Variants in COL19A1 observed in about 807,000 individuals in gnomAD.
COL19A1 encodes collagen alpha-1(XIX) chain.
COL19A1 carries 159 observed loss-of-function variants against 190.2 expected under a neutral mutation model. That is an observed-to-expected ratio of 0.84 (90% CI 0.73 to 0.95). The LOEUF (loss-of-function observed/expected upper bound fraction) is 0.95. Among genes scored for constraint, COL19A1 ranks in the 40% least tolerant of loss-of-function variants. COL19A1 has a pLI of 0.00. For missense variants in COL19A1, 1,418 were observed against 1,431.9 expected (o/e 0.99, Z 0.16); for synonymous variants, 509 against 458.9 (o/e 1.11, Z -1.39).
intron 24 of COL19A1, among the ~76,000 whole-genome samples, chr6:70,144,612 A>G (rs1280802814): frequency 6.6e-6 from 1 of 152,216 alleles, no homozygotes; most frequent in Non-Finnish European, 1.5e-5. Flanking sequence ...TTGGAGAATA[A>G]CTTAAAGAAA....
At chr6:69,932,689 C>T in intron 6 of COL19A1, 94 bp from the exon 7 acceptor site, 2 of 654,116 alleles carry the variant, frequency 3.1e-6, no homozygotes, top group Non-Finnish European at 5.3e-6. Flanking sequence ...ATATTAGCTT[C>T]CTTTTTCTTT....
intron 14 of COL19A1, among the ~76,000 whole-genome samples, chr6:70,051,296 T>A (rs1780187413): frequency 6.6e-6 from 1 of 152,166 alleles, no homozygotes; most frequent in Non-Finnish European, 1.5e-5. Flanking sequence ...CTGTAAAAGA[T>A]ATGAGATTTT....
intron 10 of COL19A1, among the ~76,000 whole-genome samples, chr6:69,960,738 T>C (rs908668952): frequency 2.6e-5 from 4 of 151,142 alleles, no homozygotes; most frequent in Admixed American, 6.6e-5. Context: ...GCCATTCTCC[T>C]GCCTCAGCCT....
intron 16 of COL19A1, among the ~76,000 whole-genome samples, chr6:70,115,829 T>TG (rs1313783286): frequency 1.1e-5 from 1 of 89,988 alleles, no homozygotes; most frequent in Non-Finnish European, 3.0e-5. Flanking sequence ...TGTTTTGTTT[T>TG]TTTTTTTTTT....
chr6:69,894,435 A>G (rs1480965692), intron 2 of COL19A1, among the ~76,000 whole-genome samples: 1 of 152,244 alleles, frequency 6.6e-6, no homozygotes, highest in Non-Finnish European at 1.5e-5. Context: ...TCTGATCTGC[A>G]GTTTACCAAT....
At chr6:69,977,805 C>G (rs1434646465) in intron 11 of COL19A1, among the ~76,000 whole-genome samples, 2 of 151,908 alleles carry the variant, frequency 1.3e-5, no homozygotes, top group African/African-American at 4.8e-5. Flanking sequence ...TTTATTTTGT[C>G]CTTAATTAAG....
At chr6:69,921,173 G>A (rs1471394480) in intron 4 of COL19A1, among the ~76,000 whole-genome samples, 19 of 124,124 alleles carry the variant, frequency 1.5e-4, no homozygotes, top group Admixed American at 4.0e-4. Flanking sequence ...ATTCATATAC[G>A]TATCACATAT....
chr6:70,120,812 T>C (rs1438280946), intron 16 of COL19A1, among the ~76,000 whole-genome samples: 1 of 152,224 alleles, frequency 6.6e-6, no homozygotes, highest in Non-Finnish European at 1.5e-5. Flanking sequence ...AGTCACAAGC[T>C]GCTCATAAGA....
At chr6:70,086,649 A>G (rs1357965439) in intron 15 of COL19A1, among the ~76,000 whole-genome samples, 1 of 152,212 alleles carries the variant, frequency 6.6e-6, no homozygotes, top group Non-Finnish European at 1.5e-5. Context: ...ATCTCATGTT[A>G]TCTACAGCAA....
intron 4 of COL19A1, among the ~76,000 whole-genome samples, chr6:69,912,625 T>C (rs1444908586): frequency 1.3e-5 from 2 of 152,182 alleles, no homozygotes; most frequent in Non-Finnish European, 2.9e-5. Context: ...GGCTTATGAC[T>C]GTGTGAGGTG....
intron 11 of COL19A1, among the ~76,000 whole-genome samples, chr6:69,996,145 A>C (rs1776892230): frequency 6.6e-6 from 1 of 152,160 alleles, no homozygotes; most frequent in Non-Finnish European, 1.5e-5. Flanking sequence ...CCTTACCTAT[A>C]AATTCTTCTT....
chr6:70,105,236 C>T (rs1582922007), intron 16 of COL19A1, among the ~76,000 whole-genome samples: 1 of 152,154 alleles, frequency 6.6e-6, no homozygotes, highest in East Asian at 1.9e-4. Context: ...CGGCTCACTG[C>T]ACCCTCTGCC....
chr6:70,135,909 AG>A (rs1785836009), intron 18 of COL19A1, among the ~76,000 whole-genome samples: 1 of 152,138 alleles, frequency 6.6e-6, no homozygotes, highest in Non-Finnish European at 1.5e-5. Context: ...GGTTCCACCC[AG>A]GGGGTGGAAT....
intron 3 of COL19A1, 120 bp downstream of exon 3, chr6:69,899,142 G>T: frequency 2.0e-5 from 12 of 594,158 alleles, no homozygotes; most frequent in South Asian, 5.2e-5. Context: ...GCATTAACGT[G>T]AAAATTTTAA....
intron 11 of COL19A1, among the ~76,000 whole-genome samples, chr6:69,992,152 T>C (rs1036684009): frequency 6.6e-6 from 1 of 152,054 alleles, no homozygotes; most frequent in Non-Finnish European, 1.5e-5. Flanking sequence ...ATTTATTGAA[T>C]GAGTCCTTTC....
chr6:70,188,329 T>C, intron 47 of COL19A1, 84 bp downstream of exon 47: 1 of 1,439,852 alleles, frequency 6.9e-7, no homozygotes, highest in Non-Finnish European at 9.2e-7. Flanking sequence ...ATACTGCCTT[T>C]CAAATAAATA....
chr6:69,886,142 A>T lies in COL19A1; in HGVS notation c.91+6484A>T, dbSNP rs534845779. 2.0e-5 allele frequency among the ~76,000 whole-genome samples: 3 copies of T among 152,362 alleles called. No homozygotes were observed. The South Asian group carries it at 6.2e-4, about 32-fold the overall frequency. ...TTTTAAAACTCAATATCAGTAAAAC[A>T]AATAATCTGATTTAAAAATGGACAA... On this transcript the variant is annotated intron_variant, in intron 2 of 50. Transcript: ENST00000620364.
rs1582263791 is a variant in COL19A1, at chr6:69,879,859, A to G, written c.91+201A>G. ...ATTACCTCATTTTTTTCATACGCATAGTATATTAGTCTATGTTTCCTTTCA... is the reference window on the plus strand; with the variant it reads ...ATTACCTCATTTTTTTCATACGCATGGTATATTAGTCTATGTTTCCTTTCA... On this transcript the variant is annotated intron_variant, in intron 2 of 50. Coordinates refer to ENST00000620364, the MANE Select transcript of COL19A1 (RefSeq NM_001858.6). 1.8e-5 allele frequency: 10 copies of G among 568,604 alleles called. No individual in the cohort carries two copies. The South Asian group carries it at 2.0e-4, about 11-fold the overall frequency. The allele number at this position is 568,604 out of a possible 1,614,324, so 35.2% of individuals were successfully genotyped here.
At chr6:70,032,527 A>C (rs970623807) in intron 12 of COL19A1, among the ~76,000 whole-genome samples, 10 of 152,232 alleles carry the variant, frequency 6.6e-5, no homozygotes, top group Non-Finnish European at 1.5e-4. Flanking sequence ...GCAAAATAAA[A>C]GGGAACAGGA....
Sources: allele counts gnomAD v4.1 joint callset (sites outside exome capture counted in the v4.1 genomes callset), GRCh38; gene constraint gnomAD v4.1.1; transcripts MANE v1.5; gene names NCBI Gene and HGNC (gene_info 2026-07-23, HGNC 2026-07-21).